ADGRL1: variants seen among roughly 807,000 people sequenced by gnomAD.
ADGRL1 encodes the protein CIRL-1.
In ADGRL1, 31 loss-of-function variants were observed where a neutral mutation model predicts 148.9. That is an observed-to-expected ratio of 0.21 (90% CI 0.16 to 0.28). The LOEUF (loss-of-function observed/expected upper bound fraction) is 0.28, where lower values mean the gene tolerates loss of function less well. Among genes scored for constraint, ADGRL1 ranks in the 10% least tolerant of loss-of-function variants. ADGRL1 has a pLI of 1.00. For missense variants in ADGRL1, 1,521 were observed against 2,058.8 expected (o/e 0.74, Z 5.05); for synonymous variants, 937 against 900.3 (o/e 1.04, Z -0.73).
Position 14,160,184 on chromosome 19 carries a change from C to T in ADGRL1, c.1728G>A (p.Leu576=), listed in dbSNP as rs1969206588. The part of the protein sequence containing the change: ...SSSVKLMEQL[L]DILDAQLQAL... ...CCTGCAGCTGGGCATCCAGGATGTC[C>T]AGCAGCTGCTCCATCAGCTTCACAG... The change falls in exon 8 of 23, where the codon CTG becomes CTA. Residue 576 remains leucine, a synonymous_variant. Transcript: ENST00000361434. The surrounding 1 kb of genome is among the most constrained non-coding windows in gnomAD (Gnocchi z 5.9). 1.9e-6 allele frequency: 3 copies of T among 1,598,814 alleles called. No individual in the cohort carries two copies. Among genetic ancestry groups the T allele is most frequent in the African/African-American group, 1.3e-5 (1 of 74,796 alleles).
chr19:14,204,736 G>C (rs1036985952), intron 1 of ADGRL1, among the ~76,000 whole-genome samples: 4 of 149,108 alleles, frequency 2.7e-5, no homozygotes, highest in Admixed American at 1.3e-4. Context: ...GAGAGAGAGA[G>C]AGAGACAGAC....
At chr19:14,195,221 C>T (rs1972183179) in intron 1 of ADGRL1, among the ~76,000 whole-genome samples, 1 of 152,186 alleles carries the variant, frequency 6.6e-6, no homozygotes, top group South Asian at 2.1e-4. Flanking sequence ...CCATGGGAAA[C>T]GGGGCTGCAC....
chr19:14,165,910 G>T (rs947786851), intron 4 of ADGRL1, among the ~76,000 whole-genome samples: 5 of 152,106 alleles, frequency 3.3e-5, no homozygotes, highest in African/African-American at 1.2e-4. Context: ...GCTGCTGCCG[G>T]CCTCAGATGG....
In ADGRL1 at chr19:14,151,131, G is replaced by A. The variant is rs545913858; in HGVS notation, c.4152C>T (p.Ala1384=). ...GGTAGGAGGGTGAGTCCCGCAGGTT[G>A]GCCCCGCTGGCATAGAGGGAGTCCC... The part of the protein sequence containing the change: ...PGRDSLYASG[A]NLRDSPSYPD... Residue 1384 remains alanine, a synonymous_variant, in exon 23 of 23, where the codon GCC becomes GCT. Coordinates refer to ENST00000361434, the MANE Select transcript of ADGRL1 (RefSeq NM_014921.5). The A allele has an allele frequency of 4.4e-6, 7 of 1,587,604 alleles. No individual in the cohort carries two copies. In the African/African-American group the frequency reaches 8.1e-5, roughly 18 times the overall value.
intron 1 of ADGRL1, among the ~76,000 whole-genome samples, chr19:14,204,840 G>A (rs1395487440): frequency 6.6e-6 from 1 of 152,098 alleles, no homozygotes; most frequent in Non-Finnish European, 1.5e-5. Flanking sequence ...GAAGTGGGAT[G>A]TGGGAAGACA....
chr19:14,195,441 G>A (rs1328911749), intron 1 of ADGRL1, among the ~76,000 whole-genome samples: 1 of 137,660 alleles, frequency 7.3e-6, no homozygotes. Flanking sequence ...CTGCGTGCTC[G>A]AGTGGGTGGG....
At chr19:14,166,618 C>T (rs1969995254) in intron 4 of ADGRL1, among the ~76,000 whole-genome samples, 1 of 151,774 alleles carries the variant, frequency 6.6e-6, no homozygotes, top group Non-Finnish European at 1.5e-5. Flanking sequence ...ACCCGGTGCC[C>T]CAGTGGGGGA....
In ADGRL1 at chr19:14,148,077, A is replaced by C. The variant is rs1967773045; in HGVS notation, c.*2796T>G. 1 of 152,824 alleles carries C rather than the reference A, an allele frequency of 6.5e-6. No homozygotes were observed. The highest frequency in any genetic ancestry group is 1.5e-5 in the Non-Finnish European group (1 of 68,190). The allele number at this position is 152,824 out of a possible 1,614,324, so 9.5% of individuals were successfully genotyped here. A position where few individuals can be genotyped will look rare whatever the true frequency, so the allele number is the denominator to read the frequency against. On this transcript the variant is annotated 3_prime_UTR_variant, in exon 23 of 23. Transcript: ENST00000361434. ...CAAAAGAAACCAAAATCCAGAGAAAAAGAATTAACAAGATTTAGGAGCAAA... is the reference window on the plus strand; with the variant it reads ...CAAAAGAAACCAAAATCCAGAGAAACAGAATTAACAAGATTTAGGAGCAAA...
intron 2 of ADGRL1, among the ~76,000 whole-genome samples, chr19:14,181,840 T>C (rs1370489700): frequency 6.6e-6 from 1 of 152,190 alleles, no homozygotes; most frequent in Non-Finnish European, 1.5e-5. Flanking sequence ...TCCTGTGCCT[T>C]AGAAAATGCT....
chr19:14,175,078 A>C (rs1240955289), intron 3 of ADGRL1, among the ~76,000 whole-genome samples: 2 of 152,008 alleles, frequency 1.3e-5, no homozygotes, highest in Non-Finnish European at 2.9e-5. Flanking sequence ...CCTGACCTAA[A>C]GCGATCCCCC....
chr19:14,184,638 A>AT lies in ADGRL1; in HGVS notation c.-95-942dup, dbSNP rs1293975046. 1.7e-3 allele frequency among the ~76,000 whole-genome samples: 205 copies of AT among 120,942 alleles called. 6 individuals are homozygous for AT. Among genetic ancestry groups the AT allele is most frequent in the African/African-American group, 5.0e-3 (135 of 26,854 alleles). 79.3% of individuals were successfully genotyped at this position (120,942 alleles called of 152,430 possible). A position where few individuals can be genotyped will look rare whatever the true frequency, so the allele number is the denominator to read the frequency against. ...TATTTATTTATTTATTTATTTATTT[A>AT]TTTATTTATTTTTTTTTCTGAGACG... On this transcript the variant is annotated intron_variant, in intron 1 of 22. Coordinates refer to ENST00000361434, the MANE Select transcript of ADGRL1 (RefSeq NM_014921.5).
Position 14,157,962 on chromosome 19 carries a change from C to T in ADGRL1, c.2455G>A (p.Val819Met). Reference sequence around the variant, plus strand: ...GTGGTATGGGTCTTGTTGGACTCCACCAGGCGGCAGCCTTGGGTCGACCAG... The same window carrying T: ...GTGGTATGGGTCTTGTTGGACTCCATCAGGCGGCAGCCTTGGGTCGACCAG... ...GYWSTQGCRL[V>M]ESNKTHTTCA... The change falls in exon 13 of 23, where the codon GTG (valine) becomes ATG (methionine). Residue 819 changes from valine to methionine, a missense_variant. Physicochemically the swap from Val to Met is conservative, Grantham distance 21. Coordinates refer to ENST00000361434, the MANE Select transcript of ADGRL1 (RefSeq NM_014921.5). This position sits in a 1 kb window ranked among gnomAD's most constrained non-coding sequence, Gnocchi z 7.5. 6.2e-7 allele frequency: 1 copy of T among 1,614,202 alleles called. No homozygotes were observed. The highest frequency in any genetic ancestry group is 8.5e-7 in the Non-Finnish European group (1 of 1,180,022).
chr19:14,203,631 A>AGGCCCCCCAGGAGAAAG (rs1315030057), intron 1 of ADGRL1, among the ~76,000 whole-genome samples: 2 of 127,946 alleles, frequency 1.6e-5, no homozygotes, highest in African/African-American at 2.9e-5. Context: ...GGGTCCTCCA[A>AGGCCCCCCAGGAGAAAG]GGCCCCCCAG....
chr19:14,198,870 T>A lies in ADGRL1; in HGVS notation c.-96+7115A>T, dbSNP rs148557178. Among the ~76,000 whole-genome samples, 111 of 152,306 alleles carry A rather than the reference T, an allele frequency of 7.3e-4. 2 individuals carry two copies. The highest frequency in any genetic ancestry group is 2.3e-3 in the East Asian group (12 of 5,170). On this transcript the variant is annotated intron_variant, in intron 1 of 22. Transcript: ENST00000361434. The stretch of plus-strand genomic sequence containing the variant: ...TGCAACTCTGTTGCGCTCACCATCA[T>A]GGCACGTCCACACCACAGTGGCCTG...
chr19:14,202,283 C>T (rs1170007082), intron 1 of ADGRL1, among the ~76,000 whole-genome samples: 1 of 151,708 alleles, frequency 6.6e-6, no homozygotes, highest in African/African-American at 2.4e-5. Flanking sequence ...GAATGAGTCT[C>T]GCTCTGTCGC....
At position 14,159,273 on chromosome 19, in the gene ADGRL1, G is replaced by A. The variant is rs997280018; in HGVS notation, c.2024-58C>T. On this transcript the variant is annotated intron_variant, in intron 10 of 22. Coordinates refer to ENST00000361434, the MANE Select transcript of ADGRL1 (RefSeq NM_014921.5). The surrounding 1 kb of genome is among the most constrained non-coding windows in gnomAD (Gnocchi z 6.0). ...GTTGGGGTCTGTTCCCAGTCCAGGG[G>A]CTCAGGCTGCAGAACGAGACTCTGG... is the stretch of plus-strand genomic sequence containing the variant. 2 of 1,595,086 alleles carry A rather than the reference G, an allele frequency of 1.3e-6. No homozygotes were observed. Among genetic ancestry groups the A allele is most frequent in the East Asian group, 2.2e-5 (1 of 44,476 alleles).
In ADGRL1 at chr19:14,155,978, G is replaced by C. The variant is rs1368187775; in HGVS notation, c.3125+132C>G. 4 of 682,418 alleles carry C rather than the reference G, an allele frequency of 5.9e-6. No homozygotes were observed. Among genetic ancestry groups the C allele is most frequent in the Non-Finnish European group, 1.0e-5 (4 of 381,386 alleles). The allele number at this position is 682,418 out of a possible 1,614,324, so 42.3% of individuals were successfully genotyped here. A position where few individuals can be genotyped will look rare whatever the true frequency, so the allele number is the denominator to read the frequency against. ...ATAGTGAACACAATAGAACACCCCT[G>C]TTGGTACTTAAAATTGCAATGTGTG... On this transcript the variant is annotated intron_variant, in intron 17 of 22. Transcript: ENST00000361434. This position sits in a 1 kb window ranked among gnomAD's most constrained non-coding sequence, Gnocchi z 5.0.
rs182855639 is a variant in ADGRL1, at chr19:14,186,845, G to A, written c.-95-3148C>T. On this transcript the variant is annotated intron_variant, in intron 1 of 22. Transcript: ENST00000361434. ...TCCCCAAGCAGGATCCCTGCATGTCGGCTGCGGCTGCTCATTGTTCAGGGC... is the reference window on the plus strand; with the variant it reads ...TCCCCAAGCAGGATCCCTGCATGTCAGCTGCGGCTGCTCATTGTTCAGGGC... Among the ~76,000 whole-genome samples, 7 of 152,046 alleles carry A rather than the reference G, an allele frequency of 4.6e-5. 1 individual carries two copies. In the South Asian group the frequency reaches 6.2e-4, roughly 14 times the overall value.
intron 3 of ADGRL1, among the ~76,000 whole-genome samples, chr19:14,172,071 G>A (rs1970509581): frequency 6.6e-6 from 1 of 152,170 alleles, no homozygotes; most frequent in South Asian, 2.1e-4. Flanking sequence ...AAAATGGGGG[G>A]CAGGATGGGG....
Sources: allele counts gnomAD v4.1 joint callset (sites outside exome capture counted in the v4.1 genomes callset), GRCh38; gene constraint gnomAD v4.1.1; non-coding constraint Gnocchi (gnomAD v3.1); transcripts MANE v1.5; gene names NCBI Gene and HGNC (gene_info 2026-07-23, HGNC 2026-07-21).